LYRM4: variants seen among roughly 807,000 people sequenced by gnomAD.
LYRM4 encodes LYR motif containing 4.
A neutral mutation model predicts 11.7 loss-of-function variants in LYRM4; 9 were observed. The observed-to-expected ratio is 0.77, with a 90% CI of 0.46 to 1.34. The LOEUF (loss-of-function observed/expected upper bound fraction) is 1.34. Among genes scored for constraint, LYRM4 ranks in the 40% most tolerant of loss-of-function variants. The pLI, the probability that LYRM4 is intolerant of heterozygous loss-of-function variation, is 0.00. For missense variants in LYRM4, 133 were observed against 112.5 expected (o/e 1.18, Z -0.82); for synonymous variants, 42 against 40.4 (o/e 1.04, Z -0.15).
chr6:5,122,396 T>C (rs1763498394), intron 2 of LYRM4, among the ~76,000 whole-genome samples: 1 of 152,204 alleles, frequency 6.6e-6, no homozygotes, highest in Non-Finnish European at 1.5e-5. Context: ...TCAAGGGTCC[T>C]GCACCAGAAA....
intron 1 of LYRM4, among the ~76,000 whole-genome samples, chr6:5,222,475 G>A (rs1302925456): frequency 6.6e-6 from 1 of 152,230 alleles, no homozygotes; most frequent in East Asian, 1.9e-4. Context: ...TCTCAGGTTC[G>A]GTGGGTGACA....
intron 1 of LYRM4, among the ~76,000 whole-genome samples, chr6:5,224,109 G>A (rs1331509136): frequency 6.6e-6 from 1 of 152,102 alleles, no homozygotes; most frequent in Non-Finnish European, 1.5e-5. Context: ...TTTTCCAGCT[G>A]GATTCTTGGC....
chr6:5,228,362 C>T (rs1763021610), intron 1 of LYRM4, among the ~76,000 whole-genome samples: 1 of 152,050 alleles, frequency 6.6e-6, no homozygotes, highest in South Asian at 2.1e-4. Flanking sequence ...CTGCAACCTT[C>T]ACCTCCCTGG....
At chr6:5,109,813 T>C (rs1762797326) in intron 2 of LYRM4, among the ~76,000 whole-genome samples, 1 of 152,230 alleles carries the variant, frequency 6.6e-6, no homozygotes, top group Non-Finnish European at 1.5e-5. Flanking sequence ...GTGTGCCCAG[T>C]ACCTCCTCTC....
chr6:5,232,468 T>C (rs1763298188), intron 1 of LYRM4, among the ~76,000 whole-genome samples: 1 of 152,244 alleles, frequency 6.6e-6, no homozygotes, highest in African/African-American at 2.4e-5. Context: ...AAGGAGCCAG[T>C]ATACTTCATA....
At chr6:5,244,961 TA>T (rs1447378226) in intron 1 of LYRM4, among the ~76,000 whole-genome samples, 22 of 150,978 alleles carry the variant, frequency 1.5e-4, no homozygotes, top group African/African-American at 5.4e-4. Flanking sequence ...CATCCCCTGC[TA>T]ATTGTCTTCT....
chr6:5,099,689 C>T (rs2127587718), downstream of LYRM4, among the ~76,000 whole-genome samples: 1 of 152,274 alleles, frequency 6.6e-6, no homozygotes, highest in East Asian at 1.9e-4. This position sits in a 1 kb window ranked among gnomAD's most constrained non-coding sequence, Gnocchi z 4.3. Flanking sequence ...GCAATCCTCC[C>T]ACCTTGGCTT....
chr6:5,069,291 T>C, the LYRM4 span, among the ~76,000 whole-genome samples: 68 of 152,104 alleles, frequency 4.5e-4, 1 homozygote, highest in African/African-American at 1.6e-3. Context: ...ATACGTACTC[T>C]ATTAGAAATT....
chr6:5,156,099 A>G (rs1376784654), intron 2 of LYRM4, among the ~76,000 whole-genome samples: 1 of 152,264 alleles, frequency 6.6e-6, no homozygotes, highest in East Asian at 1.9e-4. Flanking sequence ...AATAGGAGGC[A>G]AAGAGCTAGA....
At chr6:5,037,543 T>G in the LYRM4 span, among the ~76,000 whole-genome samples, 2 of 73,580 alleles carry the variant, frequency 2.7e-5, no homozygotes, top group Admixed American at 1.8e-4. Context: ...CCAGACGGGG[T>G]CCTGGCCGGG....
intron 2 of LYRM4, among the ~76,000 whole-genome samples, chr6:5,187,151 C>T (rs941601883): frequency 4.6e-5 from 7 of 152,140 alleles, no homozygotes; most frequent in Admixed American, 2.6e-4. Flanking sequence ...AACATGACCC[C>T]TAACAGAGGC....
intron 2 of LYRM4, among the ~76,000 whole-genome samples, chr6:5,215,019 C>T (rs1203006316): frequency 1.3e-5 from 2 of 150,588 alleles, no homozygotes; most frequent in African/African-American, 2.4e-5. Context: ...ACTGGGATGT[C>T]AGATGAGGGC....
chr6:5,161,059 T>C (rs1250912760), intron 2 of LYRM4, among the ~76,000 whole-genome samples: 3 of 152,182 alleles, frequency 2.0e-5, no homozygotes, highest in Non-Finnish European at 2.9e-5. Context: ...AGACCCTACA[T>C]TGATAATACT....
chr6:5,178,061 C>A lies in LYRM4; in HGVS notation c.207+38557G>T, dbSNP rs537546493. Among the ~76,000 whole-genome samples, 11 of 152,212 alleles carry A rather than the reference C, an allele frequency of 7.2e-5. No homozygotes were observed. In the South Asian group the frequency reaches 2.3e-3, roughly 32 times the overall value. On this transcript the variant is annotated intron_variant, in intron 2 of 2. Coordinates refer to ENST00000330636, the MANE Select transcript of LYRM4 (RefSeq NM_020408.6). ...TGTCTGTCTTCCCCTAAGAGTGTCACCAGCTTAAGAGCAGTGACTAAAATT... is the reference window on the plus strand; with the variant it reads ...TGTCTGTCTTCCCCTAAGAGTGTCAACAGCTTAAGAGCAGTGACTAAAATT...
At position 5,260,579 on chromosome 6, in the gene LYRM4, C is replaced by G. The variant is rs7752203; in HGVS notation, c.86+69G>C. The G allele has an allele frequency of 0.22, 274,940 of 1,266,048 alleles. 51,900 individuals carry two copies. Among genetic ancestry groups the G allele is most frequent in the African/African-American group, 0.74 (46,696 of 63,068 alleles). 78.4% of individuals were successfully genotyped at this position (1,266,048 alleles called of 1,614,324 possible). On this transcript the variant is annotated intron_variant, in intron 1 of 2. Transcript: ENST00000330636. ...GCTCCCAGTCCCCGGGGATATTCCG[C>G]GTCAGCCCGCACCCCCGGTCCCCGG...
At chr6:5,037,561 GC>G in the LYRM4 span, among the ~76,000 whole-genome samples, 121 of 71,876 alleles carry the variant, frequency 1.7e-3, no homozygotes, top group Middle Eastern at 7.1e-3. Context: ...GGGCAGAGGG[GC>G]TCCTCACTTC....
chr6:5,109,011 C>G lies in LYRM4; in HGVS notation c.*412G>C. On this transcript the variant is annotated 3_prime_UTR_variant, in exon 3 of 3. Coordinates refer to ENST00000330636, the MANE Select transcript of LYRM4 (RefSeq NM_020408.6). ...AGGGCCCCCAACAGCCCTCTCCAGG[C>G]CTTGTATCAGTAGGAAATGAAAATG... 1 of 1,009,782 alleles carries G rather than the reference C, an allele frequency of 9.9e-7. No homozygotes were observed. The highest frequency in any genetic ancestry group is 1.2e-6 in the Non-Finnish European group (1 of 843,346). The allele number at this position is 1,009,782 out of a possible 1,614,324, so 62.6% of individuals were successfully genotyped here.
intron 2 of LYRM4, among the ~76,000 whole-genome samples, chr6:5,169,593 C>T (rs914439375): frequency 2.0e-5 from 3 of 152,142 alleles, no homozygotes; most frequent in Admixed American, 2.0e-4. Flanking sequence ...TGAGAGTAGA[C>T]AGTATGTGAA....
intron 2 of LYRM4, among the ~76,000 whole-genome samples, chr6:5,137,996 T>G (rs1354335558): frequency 6.6e-6 from 1 of 152,210 alleles, no homozygotes; most frequent in Non-Finnish European, 1.5e-5. Flanking sequence ...GAGTTCACTT[T>G]GCCTTTGGTC....
Sources: gnomAD v4.1 joint callset for allele counts (sites outside exome capture counted in the v4.1 genomes callset) on GRCh38, gnomAD v4.1.1 for gene constraint, Gnocchi (gnomAD v3.1) non-coding constraint, MANE v1.5 for transcripts, NCBI Gene and HGNC (gene_info 2026-07-23, HGNC 2026-07-21) for gene names.